Variants in WDR41 observed in about 807,000 individuals in gnomAD.
WDR41 encodes WD repeat domain 41.
In WDR41, 63 loss-of-function variants were observed where a neutral mutation model predicts 69.3. That is an observed-to-expected ratio of 0.91 (90% CI 0.74 to 1.12). The LOEUF (loss-of-function observed/expected upper bound fraction) is 1.12, where lower values mean the gene tolerates loss of function less well. Among genes scored for constraint, WDR41 ranks in the 50% most tolerant of loss-of-function variants. The pLI is 0.00. For missense variants in WDR41, 543 were observed against 534.5 expected (o/e 1.02, Z -0.16); for synonymous variants, 185 against 192.1 (o/e 0.96, Z 0.31).
intron 1 of WDR41, among the ~76,000 whole-genome samples, chr5:77,591,999 T>C (rs1326990794): frequency 6.6e-6 from 1 of 152,160 alleles, no homozygotes; most frequent in Non-Finnish European, 1.5e-5. Context: ...TATGAAATTA[T>C]CTATTTATAT....
intron 1 of WDR41, among the ~76,000 whole-genome samples, chr5:77,522,363 C>T (rs1050637233): frequency 6.6e-6 from 1 of 152,138 alleles, no homozygotes; most frequent in East Asian, 1.9e-4. Context: ...GGAAAGAGGC[C>T]GGGCGTGGTG....
At chr5:77,557,263 A>G (rs1743420642) in intron 1 of WDR41, among the ~76,000 whole-genome samples, 1 of 152,192 alleles carries the variant, frequency 6.6e-6, no homozygotes, top group Non-Finnish European at 1.5e-5. Flanking sequence ...TTCTGTTTAA[A>G]AGCAAAACAA....
At chr5:77,455,493 G>C (rs550311662) in intron 5 of WDR41, among the ~76,000 whole-genome samples, 22 of 152,130 alleles carry the variant, frequency 1.4e-4, no homozygotes, top group Non-Finnish European at 3.1e-4. Context: ...GTTGTTTGTT[G>C]ATATGCTTTT....
intron 1 of WDR41, among the ~76,000 whole-genome samples, chr5:77,585,875 A>G (rs1744028930): frequency 6.6e-6 from 1 of 152,172 alleles, no homozygotes; most frequent in African/African-American, 2.4e-5. Flanking sequence ...GGTTCAGTGT[A>G]TACTGCTTGG....
intron 4 of WDR41, among the ~76,000 whole-genome samples, chr5:77,459,975 T>C (rs1799980835): frequency 6.6e-6 from 1 of 152,158 alleles, no homozygotes; most frequent in South Asian, 2.1e-4. Flanking sequence ...CTAACTTATA[T>C]GTGCTCAGAA....
chr5:77,523,556 A>G (rs1018866372), intron 1 of WDR41, among the ~76,000 whole-genome samples: 2 of 151,864 alleles, frequency 1.3e-5, no homozygotes, highest in Non-Finnish European at 2.9e-5. Flanking sequence ...TGCCACACCT[A>G]TAGTGCCTCA....
chr5:77,582,687 G>A, intron 1 of WDR41: 17 of 1,599,292 alleles, frequency 1.1e-5, no homozygotes, highest in Non-Finnish European at 1.4e-5. Context: ...TGAGCCCAAA[G>A]GTCCGAAAGG....
chr5:77,569,548 G>A (rs1052334255), intron 1 of WDR41, among the ~76,000 whole-genome samples: 17 of 151,932 alleles, frequency 1.1e-4, no homozygotes, highest in African/African-American at 4.1e-4. Flanking sequence ...ACTTACAAAA[G>A]CCATTTATAT....
chr5:77,438,152 G>A, intron 10 of WDR41, 88 bp downstream of exon 10: 2 of 1,576,468 alleles, frequency 1.3e-6, no homozygotes. Flanking sequence ...CATGAAGCCA[G>A]GTAACTTGGC....
At chr5:77,440,718 C>G (rs1476447549) in intron 9 of WDR41, 95 bp downstream of exon 9, 1 of 1,230,148 alleles carries the variant, frequency 8.1e-7, no homozygotes, top group African/African-American at 1.5e-5. Context: ...TGAATGATAC[C>G]TTTTTTATGT....
intron 1 of WDR41, among the ~76,000 whole-genome samples, chr5:77,530,601 G>A (rs1367883507): frequency 6.6e-6 from 1 of 151,706 alleles, no homozygotes; most frequent in East Asian, 1.9e-4. Flanking sequence ...CTACTCTTGG[G>A]AGTTTGGGAA....
rs202078849 is a variant in WDR41, at chr5:77,464,787, C to G, written c.190G>C (p.Gly64Arg). 35 of 1,613,642 alleles carry G rather than the reference C, an allele frequency of 2.2e-5. 1 individual carries two copies. The highest frequency in any genetic ancestry group is 2.3e-5 in the Non-Finnish European group (27 of 1,179,848). ...TGGGCATTCCACACAACTACAATTC[C>G]ATCATCACCAGCAGATGCAAATCTG... ...DYRFASAGDD[G>R]IVVVWNAQTG... Residue 64 changes from glycine (G) to arginine (R), a missense_variant, in exon 3 of 13, where the codon GGA becomes CGA. Transcript: ENST00000296679.
chr5:77,577,105 C>A (rs1477076116), intron 1 of WDR41, among the ~76,000 whole-genome samples: 1 of 152,094 alleles, frequency 6.6e-6, no homozygotes, highest in African/African-American at 2.4e-5. Context: ...TCAGTCTCTG[C>A]CTTCTGTGTT....
At chr5:77,598,069 T>C (rs1744256780) in intron 1 of WDR41, among the ~76,000 whole-genome samples, 2 of 152,164 alleles carry the variant, frequency 1.3e-5, no homozygotes, top group African/African-American at 4.8e-5. Context: ...CATAGAGACA[T>C]TGTGGGAATA....
intron 5 of WDR41, among the ~76,000 whole-genome samples, chr5:77,458,596 G>C (rs944311447): frequency 2.6e-5 from 4 of 152,058 alleles, no homozygotes; most frequent in Non-Finnish European, 4.4e-5. Flanking sequence ...GTTTGTAAAA[G>C]GAATAAACCT....
At position 77,554,143 on chromosome 5, in the gene WDR41, G is replaced by T. The variant is rs566489053; in HGVS notation, c.43-64571C>A. 2.0e-5 allele frequency among the ~76,000 whole-genome samples: 3 copies of T among 152,280 alleles called. No homozygotes were observed. The South Asian group carries it at 6.2e-4, about 32-fold the overall frequency. On this transcript the variant is annotated intron_variant, in intron 1 of 5. Transcript: ENST00000509971. ...GACTTGGATGTCTCTAGGGAATTCT[G>T]CTGAGTACAATGATATAGTGTTTTA...
At chr5:77,561,844 C>G (rs1268490040) in intron 1 of WDR41, among the ~76,000 whole-genome samples, 1 of 152,074 alleles carries the variant, frequency 6.6e-6, no homozygotes, top group Non-Finnish European at 1.5e-5. Context: ...AAAAAAGATT[C>G]TTTCATCAAA....
At chr5:77,465,743 G>C (rs1321262029) in intron 2 of WDR41, among the ~76,000 whole-genome samples, 4 of 149,104 alleles carry the variant, frequency 2.7e-5, no homozygotes, top group Non-Finnish European at 5.9e-5. Flanking sequence ...TTCAGTATGA[G>C]AGAAAGAAGT....
intron 1 of WDR41, among the ~76,000 whole-genome samples, chr5:77,528,987 AC>A (rs1802486371): frequency 6.6e-6 from 1 of 151,546 alleles, no homozygotes; most frequent in Admixed American, 6.6e-5. Context: ...AAGAATGCCC[AC>A]TGTCATTTCT....
Sources: allele counts gnomAD v4.1 joint callset (sites outside exome capture counted in the v4.1 genomes callset), GRCh38; gene constraint gnomAD v4.1.1; transcripts MANE v1.5; gene names NCBI Gene and HGNC (gene_info 2026-07-23, HGNC 2026-07-21).